CMTM8: variants seen among roughly 807,000 people sequenced by gnomAD.
The protein encoded by CMTM8 is CKLF-like MARVEL transmembrane domain-containing protein 8.
In CMTM8, 12 loss-of-function variants were observed where a neutral mutation model predicts 18.6. The observed-to-expected ratio is 0.65, with a 90% CI of 0.41 to 1.05. The LOEUF (loss-of-function observed/expected upper bound fraction) is 1.05, where lower values mean the gene tolerates loss of function less well. Among genes scored for constraint, CMTM8 ranks in the 50% least tolerant of loss-of-function variants. The probability of loss-of-function intolerance (pLI) is 0.00; values close to 1 mark genes in which losing one functional copy is unlikely to be tolerated. For missense variants in CMTM8, 217 were observed against 227.2 expected (o/e 0.95, Z 0.29); for synonymous variants, 87 against 90.6 (o/e 0.96, Z 0.23).
At chr3:32,350,416 G>A (rs771375279) in intron 1 of CMTM8, among the ~76,000 whole-genome samples, 5 of 149,730 alleles carry the variant, frequency 3.3e-5, no homozygotes, top group African/African-American at 4.9e-5. Context: ...GGAGTGCAAC[G>A]GCATGATCTC....
At chr3:32,330,196 C>G (rs1192655973) in intron 1 of CMTM8, among the ~76,000 whole-genome samples, 1 of 77,634 alleles carries the variant, frequency 1.3e-5, no homozygotes, top group South Asian at 5.2e-4. Flanking sequence ...ATCCCAGTGG[C>G]ATTTTTTTTT....
intron 1 of CMTM8, among the ~76,000 whole-genome samples, chr3:32,243,039 T>C (rs1233317016): frequency 6.6e-6 from 1 of 151,580 alleles, no homozygotes; most frequent in Admixed American, 6.6e-5. Context: ...ATTATAGGCG[T>C]GCACCACCAA....
intron 1 of CMTM8, among the ~76,000 whole-genome samples, chr3:32,351,198 A>C (rs1318326792): frequency 6.6e-6 from 1 of 152,222 alleles, no homozygotes; most frequent in African/African-American, 2.4e-5. Flanking sequence ...ATATATTGGA[A>C]GACACTGAAG....
At chr3:32,290,277 G>A (rs1420130492) in intron 1 of CMTM8, among the ~76,000 whole-genome samples, 2 of 152,074 alleles carry the variant, frequency 1.3e-5, no homozygotes, top group African/African-American at 4.8e-5. Context: ...TAAACAGTTT[G>A]CAAATATTTC....
intron 2 of CMTM8, among the ~76,000 whole-genome samples, chr3:32,365,285 A>G (rs1697008465): frequency 6.6e-6 from 1 of 150,980 alleles, no homozygotes; most frequent in South Asian, 2.1e-4. Flanking sequence ...AGCTGGGTAA[A>G]AATAAGCCGG....
At chr3:32,366,172 C>A (rs1175893533) in intron 2 of CMTM8, among the ~76,000 whole-genome samples, 1 of 152,122 alleles carries the variant, frequency 6.6e-6, no homozygotes, top group Non-Finnish European at 1.5e-5. Flanking sequence ...ACTGGCAGAG[C>A]CCCCAGTGTG....
chr3:32,328,862 C>T (rs1696218570), intron 1 of CMTM8, among the ~76,000 whole-genome samples: 1 of 152,006 alleles, frequency 6.6e-6, no homozygotes, highest in Non-Finnish European at 1.5e-5. Flanking sequence ...CAAAGAAAAG[C>T]CCAAGGCCAG....
intron 1 of CMTM8, chr3:32,259,155 C>G (rs1001684938): frequency 4.6e-6 from 2 of 435,110 alleles, no homozygotes; most frequent in African/African-American, 2.0e-5. Flanking sequence ...CAGGGACGGC[C>G]AGGGGTCTGG....
rs1335407530 is a variant in CMTM8, at chr3:32,306,219, T to G, written c.148-51154T>G. The stretch of plus-strand genomic sequence containing the variant: ...TTAAGAGGTCCATGGCACATTGTTG[T>G]CATCCTTCATCAGTTTGGCCTAAAC... On this transcript the variant is annotated intron_variant, in intron 1 of 3. Coordinates refer to ENST00000307526, the MANE Select transcript of CMTM8 (RefSeq NM_178868.5). Among the ~76,000 whole-genome samples, 3 of 152,240 alleles carry G rather than the reference T, an allele frequency of 2.0e-5. No individual in the cohort carries two copies. In the East Asian group the frequency reaches 5.8e-4, roughly 29 times the overall value.
At chr3:32,298,691 AGT>A (rs1695537017) in intron 1 of CMTM8, among the ~76,000 whole-genome samples, 1 of 150,894 alleles carries the variant, frequency 6.6e-6, no homozygotes, top group African/African-American at 2.4e-5. Flanking sequence ...GCTGGAGTGC[AGT>A]GGTGCGATCT....
At chr3:32,242,031 G>A (rs992277537) in intron 1 of CMTM8, among the ~76,000 whole-genome samples, 3 of 152,154 alleles carry the variant, frequency 2.0e-5, no homozygotes, top group Admixed American at 1.3e-4. Flanking sequence ...ACAGCTGGCC[G>A]ACTGGGCTCT....
intron 1 of CMTM8, among the ~76,000 whole-genome samples, chr3:32,288,357 C>T (rs1015323973): frequency 6.6e-5 from 10 of 152,204 alleles, no homozygotes; most frequent in East Asian, 3.9e-4. Context: ...GATCGCCCAC[C>T]GTAACCTTGA....
chr3:32,350,524 A>AT (rs35024397), intron 1 of CMTM8, among the ~76,000 whole-genome samples: 95,971 of 135,578 alleles, frequency 0.71, 34,789 homozygotes, highest in Admixed American at 0.8. Context: ...GGCCCAGCTA[A>AT]TTTTTTTTTT....
At chr3:32,337,258 A>G (rs1349539507) in intron 1 of CMTM8, among the ~76,000 whole-genome samples, 1 of 152,190 alleles carries the variant, frequency 6.6e-6, no homozygotes, top group Admixed American at 6.5e-5. Flanking sequence ...GGAAACCAAC[A>G]TGTGAAATGG....
At chr3:32,360,727 T>C (rs1306096277) in intron 2 of CMTM8, among the ~76,000 whole-genome samples, 1 of 152,214 alleles carries the variant, frequency 6.6e-6, no homozygotes, top group Non-Finnish European at 1.5e-5. Context: ...GCCTAAACTC[T>C]TGCTGCTCAA....
At chr3:32,363,627 C>T (rs997306926) in intron 2 of CMTM8, among the ~76,000 whole-genome samples, 2 of 152,218 alleles carry the variant, frequency 1.3e-5, no homozygotes, top group Non-Finnish European at 2.9e-5. Context: ...TCCCCAAAGC[C>T]ACATAGCTGT....
chr3:32,274,441 A>G (rs1398763386), intron 1 of CMTM8, among the ~76,000 whole-genome samples: 2 of 152,164 alleles, frequency 1.3e-5, no homozygotes, highest in African/African-American at 4.8e-5. Context: ...AAAAGTTGTA[A>G]GGACAGTATA....
At chr3:32,316,283 T>G (rs1315632738) in intron 1 of CMTM8, among the ~76,000 whole-genome samples, 1 of 152,166 alleles carries the variant, frequency 6.6e-6, no homozygotes, top group African/African-American at 2.4e-5. Context: ...TGCCTCAGCC[T>G]CCCAAAGTGC....
At chr3:32,280,162 C>T (rs190694903) in intron 1 of CMTM8, among the ~76,000 whole-genome samples, 20 of 152,194 alleles carry the variant, frequency 1.3e-4, no homozygotes, top group Non-Finnish European at 2.5e-4. Flanking sequence ...ATTCTCAGTC[C>T]AGTCAATGTG....
Sources: allele counts gnomAD v4.1 joint callset (sites outside exome capture counted in the v4.1 genomes callset), GRCh38; gene constraint gnomAD v4.1.1; transcripts MANE v1.5; gene names NCBI Gene and HGNC (gene_info 2026-07-23, HGNC 2026-07-21).